RBM20: variants seen among roughly 807,000 people sequenced by gnomAD.
RBM20 encodes RNA-binding protein 20.
RBM20 carries 51 observed loss-of-function variants against 110.1 expected under a neutral mutation model. That is an observed-to-expected ratio of 0.46 (90% CI 0.37 to 0.59). The LOEUF (loss-of-function observed/expected upper bound fraction) is 0.59. Among genes scored for constraint, RBM20 ranks in the 20% least tolerant of loss-of-function variants. The probability of loss-of-function intolerance (pLI) is 0.00; values close to 1 mark genes in which losing one functional copy is unlikely to be tolerated. For missense variants in RBM20, 1,512 were observed against 1,574.9 expected (o/e 0.96, Z 0.68); for synonymous variants, 589 against 618.2 (o/e 0.95, Z 0.70).
chr10:110,686,925 G>C (rs1862513586), intron 1 of RBM20, among the ~76,000 whole-genome samples: 1 of 151,966 alleles, frequency 6.6e-6, no homozygotes, highest in African/African-American at 2.4e-5. Context: ...TGTAGTCCCA[G>C]CTACTCGAGA....
intron 1 of RBM20, among the ~76,000 whole-genome samples, chr10:110,693,069 A>T (rs549855376): frequency 9.2e-5 from 14 of 152,028 alleles, no homozygotes; most frequent in African/African-American, 3.4e-4. Flanking sequence ...ACATTGACTA[A>T]TTTTTTTATA....
chr10:110,701,874 A>C lies in RBM20; in HGVS notation c.191+57229A>C, dbSNP rs572250076. Among the ~76,000 whole-genome samples the C allele has an allele frequency of 3.2e-4, 48 of 152,312 alleles. 1 individual carries two copies. In the South Asian group the frequency reaches 9.1e-3, roughly 29 times the overall value. On this transcript the variant is annotated intron_variant, in intron 1 of 13. Transcript: ENST00000369519. ...GGATCTGTAAGAGCCTGTGGGCTTGATGCTGATAAGGCAGAGAGCTAACGG... is the reference window on the plus strand; with the variant it reads ...GGATCTGTAAGAGCCTGTGGGCTTGCTGCTGATAAGGCAGAGAGCTAACGG...
chr10:110,797,785 A>T (rs1203742343), intron 6 of RBM20, 137 bp downstream of exon 6: 5 of 901,136 alleles, frequency 5.5e-6, no homozygotes, highest in Non-Finnish European at 8.4e-6. Flanking sequence ...GGCATGGCGT[A>T]GGTGTTTTTG....
chr10:110,811,885 G>T (rs1356434598), intron 8 of RBM20, among the ~76,000 whole-genome samples: 2 of 152,192 alleles, frequency 1.3e-5, no homozygotes, highest in Non-Finnish European at 2.9e-5. Context: ...CACTAGGCTG[G>T]ACTAGGGCAA....
chr10:110,753,178 C>T (rs1843880782), intron 1 of RBM20, among the ~76,000 whole-genome samples: 1 of 151,742 alleles, frequency 6.6e-6, no homozygotes, highest in Non-Finnish European at 1.5e-5. Context: ...ACCTTGTGAT[C>T]CGCCTCGGCC....
rs1845175131 is a variant in RBM20, at chr10:110,839,428, G to C, written c.*3450G>C. On this transcript the variant is annotated 3_prime_UTR_variant, in exon 14 of 14. Coordinates refer to ENST00000369519, the MANE Select transcript of RBM20 (RefSeq NM_001134363.3). ...CTGCAAAGTGTTTGTTTTTACAAAA[G>C]AGAAAAGAAAAGATTTTTAATAAAG... 6.6e-6 allele frequency: 1 copy of C among 152,138 alleles called. No homozygotes were observed. Among genetic ancestry groups the C allele is most frequent in the African/African-American group, 2.4e-5 (1 of 41,430 alleles). 9.4% of individuals were successfully genotyped at this position (152,138 alleles called of 1,614,324 possible). A position where few individuals can be genotyped will look rare whatever the true frequency, so the allele number is the denominator to read the frequency against.
rs151292700 is a variant in RBM20 at position 110,707,563 on chromosome 10, T to A, written c.191+62918T>A. On this transcript the variant is annotated intron_variant, in intron 1 of 13. Transcript: ENST00000369519. ...GCATAGATCTGAAGCCTTAAAAATA[T>A]TACTCAGCTATAAAAAGGAGTGAAA... Among the ~76,000 whole-genome samples, 109 of 152,346 alleles carry A rather than the reference T, an allele frequency of 7.2e-4. 3 individuals are homozygous for A. In the East Asian group the frequency reaches 0.019, roughly 27 times the overall value.
chr10:110,834,348 C>T (rs1456407491), intron 13 of RBM20, among the ~76,000 whole-genome samples: 3 of 152,210 alleles, frequency 2.0e-5, no homozygotes, highest in African/African-American at 7.2e-5. Flanking sequence ...TTCTGGAAGC[C>T]AACTGCAGTC....
intron 9 of RBM20, among the ~76,000 whole-genome samples, chr10:110,817,991 G>A (rs1173291436): frequency 1.3e-5 from 2 of 152,144 alleles, no homozygotes; most frequent in Non-Finnish European, 2.9e-5. Flanking sequence ...AGAAAATACA[G>A]TGAAGAGGCT....
At chr10:110,800,379 T>C (rs1197994192) in intron 7 of RBM20, among the ~76,000 whole-genome samples, 4 of 152,250 alleles carry the variant, frequency 2.6e-5, no homozygotes, top group African/African-American at 9.6e-5. Context: ...CTTGGCTGAA[T>C]TGGCCACTGT....
intron 1 of RBM20, among the ~76,000 whole-genome samples, chr10:110,702,462 G>C (rs1360055128): frequency 6.6e-6 from 1 of 152,210 alleles, no homozygotes; most frequent in Non-Finnish European, 1.5e-5. Context: ...CTTGAGCCCA[G>C]GAGTTTGGGG....
intron 12 of RBM20, among the ~76,000 whole-genome samples, chr10:110,828,158 C>T (rs1845005909): frequency 6.6e-6 from 1 of 152,198 alleles, no homozygotes; most frequent in Non-Finnish European, 1.5e-5. Flanking sequence ...TTATAATTAC[C>T]CGTGCCATGA....
At chr10:110,706,536 T>A (rs186250579) in intron 1 of RBM20, among the ~76,000 whole-genome samples, 69 of 152,356 alleles carry the variant, frequency 4.5e-4, no homozygotes, top group African/African-American at 1.6e-3. Flanking sequence ...AGTGACTACA[T>A]TGAACTCCAA....
intron 1 of RBM20, among the ~76,000 whole-genome samples, chr10:110,738,518 C>G (rs188993442): frequency 1.3e-5 from 2 of 152,150 alleles, no homozygotes; most frequent in East Asian, 1.9e-4. Flanking sequence ...CCGAACCCCC[C>G]GTGGAATGTT....
At chr10:110,789,371 T>A (rs1844457306) in intron 5 of RBM20, among the ~76,000 whole-genome samples, 1 of 152,082 alleles carries the variant, frequency 6.6e-6, no homozygotes, top group South Asian at 2.1e-4. Flanking sequence ...TGTGTTGGAG[T>A]CTGAGTGTTT....
chr10:110,727,876 C>T (rs1843580249), intron 1 of RBM20, among the ~76,000 whole-genome samples: 1 of 152,252 alleles, frequency 6.6e-6, no homozygotes, highest in African/African-American at 2.4e-5. Flanking sequence ...TGTTTAACTC[C>T]CACTTATGAG....
At chr10:110,758,166 G>A (rs1843946405) in intron 1 of RBM20, among the ~76,000 whole-genome samples, 1 of 151,632 alleles carries the variant, frequency 6.6e-6, no homozygotes. Flanking sequence ...CTAGAGGTGT[G>A]CACCACCACA....
chr10:110,808,979 C>G (rs749334430), intron 7 of RBM20, among the ~76,000 whole-genome samples: 1 of 152,016 alleles, frequency 6.6e-6, no homozygotes, highest in Non-Finnish European at 1.5e-5. Flanking sequence ...CTTTGAGAGG[C>G]CAAGGCAGGA....
chr10:110,784,691 G>T, intron 4 of RBM20, 101 bp from the exon 5 acceptor site: 1 of 806,428 alleles, frequency 1.2e-6, no homozygotes, highest in East Asian at 2.7e-5. Context: ...AATAATATGT[G>T]AAGGGGAAAG....
Sources: gnomAD v4.1 joint callset for allele counts (sites outside exome capture counted in the v4.1 genomes callset) on GRCh38, gnomAD v4.1.1 for gene constraint, MANE v1.5 for transcripts, NCBI Gene and HGNC (gene_info 2026-07-23, HGNC 2026-07-21) for gene names.